Variants in CLK2 observed in about 807,000 individuals in gnomAD.
CLK2 encodes the protein CDC like kinase 2.
Under a neutral mutation model 73.5 loss-of-function variants are expected in CLK2, and 12 were observed. The observed-to-expected ratio is 0.16, with a 90% CI of 0.10 to 0.26. The LOEUF is 0.26. Among genes scored for constraint, CLK2 ranks in the 10% least tolerant of loss-of-function variants. The pLI, the probability that CLK2 is intolerant of heterozygous loss-of-function variation, is 1.00. For missense variants in CLK2, 509 were observed against 688.4 expected (o/e 0.74, Z 2.92); for synonymous variants, 232 against 237.9 (o/e 0.98, Z 0.23).
chr1:155,268,695 A>G lies in CLK2; in HGVS notation c.487+13T>C. On this transcript the variant is annotated intron_variant, in intron 4 of 12. Transcript: ENST00000368361. The surrounding 1 kb of genome is among the most constrained non-coding windows in gnomAD (Gnocchi z 5.6). ...CATTACAGGCTATAGGATTGTTACG[A>G]TTTGGCTTGTACATCGCTCTTGTAG... 6.2e-7 allele frequency: 1 copy of G among 1,612,694 alleles called. No individual in the cohort carries two copies. The highest frequency in any genetic ancestry group is 8.5e-7 in the Non-Finnish European group (1 of 1,178,920).
intron 2 of CLK2, 143 bp from the exon 3 acceptor site, chr1:155,269,859 C>T (rs1442974985): frequency 1.4e-6 from 1 of 739,286 alleles, no homozygotes; most frequent in Non-Finnish European, 2.3e-6. Context: ...CTGAGAGGAC[C>T]AAGGGACCAG....
chr1:155,271,624 G>A (rs1364095071), intron 1 of CLK2, among the ~76,000 whole-genome samples: 2 of 152,182 alleles, frequency 1.3e-5, no homozygotes, highest in African/African-American at 4.8e-5. Flanking sequence ...GACGACCGAT[G>A]GAGACTGCCA....
chr1:155,270,817 C>G lies in CLK2; in HGVS notation c.161G>C (p.Arg54Pro), dbSNP rs767100429. The change falls in exon 2 of 13, where the codon CGT becomes CCT. Residue 54 changes from arginine (R) to proline (P), a missense_variant. Arg to Pro is a moderately radical substitution (Grantham distance 103). This residue lies in a region of CLK2 where 222 missense variants were observed against 221.7 expected (regional missense o/e 1.00). Coordinates refer to ENST00000368361, the MANE Select transcript of CLK2 (RefSeq NM_001294338.2). ...RRRREDSYHVRSRSSYDDRSS... is the reference protein window; with the variant it reads ...RRRREDSYHVPSRSSYDDRSS... ...CTTCCTGAGGCCTCACCTTCGAGAA[C>G]GGACATGGTAGCTGTCCTCTCGCCG... 1.9e-6 allele frequency: 3 copies of G among 1,605,596 alleles called. No individual in the cohort carries two copies. Among genetic ancestry groups the G allele is most frequent in the Middle Eastern group, 1.7e-4 (1 of 5,998 alleles).
chr1:155,272,755 C>T (rs1572024900), intron 1 of CLK2, among the ~76,000 whole-genome samples: 2 of 152,200 alleles, frequency 1.3e-5, no homozygotes, highest in Non-Finnish European at 2.9e-5. Flanking sequence ...GGCCTCACAG[C>T]ACTGTCCCCT....
At position 155,268,872 on chromosome 1, in the gene CLK2, G is replaced by A; in HGVS notation, c.400-77C>T. 1 of 854,598 alleles carries A rather than the reference G, an allele frequency of 1.2e-6. No individual in the cohort carries two copies. 52.9% of individuals were successfully genotyped at this position (854,598 alleles called of 1,614,324 possible). A position where few individuals can be genotyped will look rare whatever the true frequency, so the allele number is the denominator to read the frequency against. ...GGAGGGAGGCGGGGTGGGTGGTAGA[G>A]GGGTCACCGGTCACAGGCGCCCAGC... On this transcript the variant is annotated intron_variant, in intron 3 of 12. Coordinates refer to ENST00000368361, the MANE Select transcript of CLK2 (RefSeq NM_001294338.2). The surrounding 1 kb of genome is among the most constrained non-coding windows in gnomAD (Gnocchi z 5.6).
In CLK2 at chr1:155,268,400, G is replaced by A. The variant is rs551959737; in HGVS notation, c.488-41C>T. The A allele has an allele frequency of 2.6e-6, 4 of 1,561,052 alleles. No homozygotes were observed. In the East Asian group the frequency reaches 9.0e-5, roughly 35 times the overall value. ...GCAGGGTCGGGGAGAGGGAGGGAGA[G>A]AAGGTGGGGAATGAGCTGAGTTGGA... On this transcript the variant is annotated intron_variant, in intron 4 of 12. Transcript: ENST00000368361. This position sits in a 1 kb window ranked among gnomAD's most constrained non-coding sequence, Gnocchi z 5.6.
intron 8 of CLK2, 119 bp from the exon 9 acceptor site, chr1:155,264,893 G>T: frequency 7.9e-7 from 1 of 1,265,858 alleles, no homozygotes; most frequent in Non-Finnish European, 1.1e-6. Flanking sequence ...GGCCTTACAA[G>T]CCCTGGGAAA....
intron 11 of CLK2, 63 bp downstream of exon 11, chr1:155,264,158 G>A (rs1673119561): frequency 6.3e-7 from 1 of 1,593,086 alleles, no homozygotes; most frequent in Admixed American, 1.7e-5. Flanking sequence ...AAAATGATGT[G>A]AAATAGACCA....
rs1431169812 is a variant in CLK2 at position 155,269,474 on chromosome 1, G to A, written c.399+14C>T. 1.2e-6 allele frequency: 2 copies of A among 1,611,176 alleles called. No homozygotes were observed. The highest frequency in any genetic ancestry group is 1.7e-6 in the Non-Finnish European group (2 of 1,178,104). Reference sequence around the variant, plus strand: ...AGAAGAGTGGGGAGAGGAAGGGCCTGGGCTGGCACTCACCGAAGATGAGCG... The same window carrying A: ...AGAAGAGTGGGGAGAGGAAGGGCCTAGGCTGGCACTCACCGAAGATGAGCG... On this transcript the variant is annotated intron_variant, in intron 3 of 12. Coordinates refer to ENST00000368361, the MANE Select transcript of CLK2 (RefSeq NM_001294338.2).
chr1:155,266,777 T>C lies in CLK2; in HGVS notation c.790A>G (p.Ile264Val). The C allele has an allele frequency of 6.2e-7, 1 of 1,613,264 alleles. No individual in the cohort carries two copies. The highest frequency in any genetic ancestry group is 1.1e-5 in the South Asian group (1 of 90,822). ...AAGGCCATGTGGCGCACTTGGTGGA[T>C]GGGGTAGGGCAGGTAGTTGTTGTCT... The part of the protein sequence containing the change: ...LKDNNYLPYP[I>V]HQVRHMAFQL... Residue 264 changes from isoleucine (I) to valine (V), a missense_variant, in exon 7 of 13, where the codon ATC (isoleucine) becomes GTC (valine). Around this residue, in one of 6 missense-constraint regions of CLK2, gnomAD observed 27 missense variants for 30.5 expected, o/e 0.89. Transcript: ENST00000368361.
rs12749700 is a variant in CLK2, at chr1:155,270,923, G to A, written c.55C>T (p.Arg19Cys). The change falls in exon 2 of 13, where the codon CGT (arginine) becomes TGT (cysteine). Residue 19 changes from arginine to cysteine, a missense_variant. Coordinates refer to ENST00000368361, the MANE Select transcript of CLK2 (RefSeq NM_001294338.2). ...SSERGSRGSYREHYRSRKHKR... is the reference protein window; with the variant it reads ...SSERGSRGSYCEHYRSRKHKR... ...TGCTTTCGGCTCCGATAGTGTTCAC[G>A]GTAACTCCCCCGGCTGCCTCGCTCT... 1.3e-4 allele frequency: 207 copies of A among 1,614,140 alleles called. No individual in the cohort carries two copies. The highest frequency in any genetic ancestry group is 6.0e-4 in the South Asian group (55 of 91,082).
At chr1:155,265,081 G>GA (rs1278665202) in intron 8 of CLK2, among the ~76,000 whole-genome samples, 1 of 152,082 alleles carries the variant, frequency 6.6e-6, no homozygotes, top group African/African-American at 2.4e-5. Flanking sequence ...GGGTTTTTCT[G>GA]AAAAAATGTA....
Position 155,266,598 on chromosome 1 carries a change from A to G in CLK2, c.838+131T>C, listed in dbSNP as rs1673243733. ...GAGTTAAGTCAGAAGACGTTTCAAG[A>G]TGACAGTAAATCAAAGAACTGCAGA... On this transcript the variant is annotated intron_variant, in intron 7 of 12. Transcript: ENST00000368361. 31 of 966,934 alleles carry G rather than the reference A, an allele frequency of 3.2e-5. No homozygotes were observed. In the South Asian group the frequency reaches 5.6e-4, roughly 17 times the overall value. The allele number at this position is 966,934 out of a possible 1,614,324, so 59.9% of individuals were successfully genotyped here. A position where few individuals can be genotyped will look rare whatever the true frequency, so the allele number is the denominator to read the frequency against.
chr1:155,272,286 G>A (rs1272062712), intron 1 of CLK2, among the ~76,000 whole-genome samples: 1 of 152,156 alleles, frequency 6.6e-6, no homozygotes, highest in Admixed American at 6.5e-5. Flanking sequence ...AAAGTGCTGG[G>A]ATTACAGATG....
At chr1:155,263,670 G>GT in intron 12 of CLK2, 1 of 985,012 alleles carries the variant, frequency 1.0e-6, no homozygotes, top group Non-Finnish European at 1.2e-6. Context: ...TCATTAAAAT[G>GT]TAAGCTCTTC....
rs1390095031 is a variant in CLK2, at chr1:155,264,460, T to C, written c.1146+8A>G. ...CCAGGCAGTCAAGTAAGACATCCCATCACTTACCTGGAAGAGGGTGAATCC... is the reference window on the plus strand; with the variant it reads ...CCAGGCAGTCAAGTAAGACATCCCACCACTTACCTGGAAGAGGGTGAATCC... On this transcript the variant is annotated splice_region_variant and intron_variant, in intron 10 of 12. Transcript: ENST00000368361. 1 of 1,613,850 alleles carries C rather than the reference T, an allele frequency of 6.2e-7. No homozygotes were observed. The highest frequency in any genetic ancestry group is 1.3e-5 in the African/African-American group (1 of 75,034).
intron 6 of CLK2, among the ~76,000 whole-genome samples, chr1:155,267,601 G>A (rs1053824748): frequency 6.6e-6 from 1 of 152,170 alleles, no homozygotes; most frequent in African/African-American, 2.4e-5. Context: ...TTGGCTTAAA[G>A]TCCTTATTCT....
intron 1 of CLK2, 90 bp from the exon 2 acceptor site, chr1:155,271,067 T>C (rs1673480777): frequency 1.5e-6 from 2 of 1,316,316 alleles, no homozygotes; most frequent in Non-Finnish European, 2.1e-6. Flanking sequence ...GCTAAGCTGC[T>C]TTCCCCTCTT....
chr1:155,263,491 G>GTT, intron 12 of CLK2, 91 bp from the exon 13 acceptor site: 1 of 1,516,146 alleles, frequency 6.6e-7, no homozygotes, highest in Non-Finnish European at 8.8e-7. Flanking sequence ...GGAGAACCAA[G>GTT]GCTCTGCTTG....
Sources: gnomAD v4.1 joint callset for allele counts (sites outside exome capture counted in the v4.1 genomes callset) on GRCh38, gnomAD v4.1.1 for gene constraint, gnomAD v4.1.1 regional missense constraint, Gnocchi (gnomAD v3.1) non-coding constraint, MANE v1.5 for transcripts, NCBI Gene and HGNC (gene_info 2026-07-23, HGNC 2026-07-21) for gene names.